PPP1R21: variants seen among roughly 807,000 people sequenced by gnomAD.
PPP1R21 encodes the protein protein phosphatase 1 regulatory subunit 21, also known as KLRAQ motif containing 1.
Under a neutral mutation model 112.8 loss-of-function variants are expected in PPP1R21, and 85 were observed. The ratio of observed to expected loss-of-function variants is 0.75; its 90% confidence interval spans 0.63 to 0.90. The LOEUF (loss-of-function observed/expected upper bound fraction) is 0.90. Among genes scored for constraint, PPP1R21 ranks in the 40% least tolerant of loss-of-function variants. The pLI, the probability that PPP1R21 is intolerant of heterozygous loss-of-function variation, is 0.00. For missense variants in PPP1R21, 1,199 were observed against 901.5 expected, an observed-to-expected ratio of 1.33 and a Z score of -4.23; for synonymous variants, 381 against 322.3, an observed-to-expected ratio of 1.18 and a Z score of -1.95.
chr2:48,468,244 G>A (rs78583799), intron 9 of PPP1R21, among the ~76,000 whole-genome samples: 25 of 152,178 alleles, frequency 1.6e-4, no homozygotes, highest in Non-Finnish European at 2.4e-4. Context: ...TAAAAACAGT[G>A]CGTGGCATGT....
intron 9 of PPP1R21, 97 bp downstream of exon 9, chr2:48,465,739 A>G (rs566436876): frequency 5.0e-5 from 53 of 1,062,032 alleles, no homozygotes; most frequent in Non-Finnish European, 6.5e-5. Context: ...AAGTACTGCA[A>G]AGGACATGGA....
chr2:48,447,640 G>A (rs1343359146), intron 1 of PPP1R21, among the ~76,000 whole-genome samples: 1 of 152,130 alleles, frequency 6.6e-6, no homozygotes, highest in Non-Finnish European at 1.5e-5. Flanking sequence ...CTGGTGCAGA[G>A]AAAGATAGAT....
intron 15 of PPP1R21, among the ~76,000 whole-genome samples, chr2:48,494,488 G>A (rs575465184): frequency 7.9e-5 from 12 of 151,396 alleles, no homozygotes; most frequent in Non-Finnish European, 1.2e-4. Context: ...GTGCAATGGC[G>A]CGATCTCGGC....
intron 1 of PPP1R21, among the ~76,000 whole-genome samples, chr2:48,444,225 A>G (rs532671190): frequency 3.3e-5 from 5 of 152,346 alleles, no homozygotes; most frequent in Admixed American, 2.6e-4. Flanking sequence ...GGTTTGGGCA[A>G]TTAGAGGGTC....
At chr2:48,484,775 C>CA in intron 13 of PPP1R21, among the ~76,000 whole-genome samples, 1 of 152,292 alleles carries the variant, frequency 6.6e-6, no homozygotes, top group East Asian at 1.9e-4. Flanking sequence ...GTCGGTCTCC[C>CA]AAAGTGCTAG....
At chr2:48,506,628 G>A (rs763104248) in intron 18 of PPP1R21, among the ~76,000 whole-genome samples, 7 of 152,098 alleles carry the variant, frequency 4.6e-5, no homozygotes, top group Non-Finnish European at 8.8e-5. Flanking sequence ...GCCACAAACT[G>A]TTCAATATAG....
At position 48,465,631 on chromosome 2, in the gene PPP1R21, T is replaced by TTGAATCAGAAGG; in HGVS notation, c.888_897+2dup. On this transcript the variant is annotated inframe_insertion, in exon 9 of 22. Transcript: ENST00000294952. ...TTCTGCCATTGACACTATATCTCCA[T>TTGAATCAGAAGG]TGAATCAGAAGGTAAATTTAATTCA... The TTGAATCAGAAGG allele has an allele frequency of 6.2e-6, 10 of 1,610,788 alleles. No homozygotes were observed. The highest frequency in any genetic ancestry group is 8.5e-6 in the Non-Finnish European group (10 of 1,179,126).
Position 48,473,169 on chromosome 2 carries a change from C to A in PPP1R21, c.1089-1514C>A, listed in dbSNP as rs1221967437. On this transcript the variant is annotated intron_variant, in intron 11 of 21. Coordinates refer to ENST00000294952, the MANE Select transcript of PPP1R21 (RefSeq NM_001135629.3). ...CTATCCTTACAAGATATTTCAGTAA[C>A]AAAATTCTGTGATTTGTGCATATGA... Among the ~76,000 whole-genome samples the A allele has an allele frequency of 4.0e-5, 6 of 151,768 alleles. No homozygotes were observed. In the East Asian group the frequency reaches 1.2e-3, roughly 29 times the overall value.
chr2:48,463,132 C>G (rs1668048458), intron 7 of PPP1R21, among the ~76,000 whole-genome samples: 1 of 152,194 alleles, frequency 6.6e-6, no homozygotes. Context: ...AAAGACTAGA[C>G]TTTGGCAGAG....
chr2:48,511,502 A>G (rs760333315), intron 21 of PPP1R21, 34 bp downstream of exon 21: 3 of 1,600,154 alleles, frequency 1.9e-6, no homozygotes, highest in Admixed American at 1.8e-5. Flanking sequence ...TCTCTCTGCA[A>G]TATAATATTT....
At chr2:48,454,253 T>C (rs1439807390) in intron 2 of PPP1R21, among the ~76,000 whole-genome samples, 1 of 148,820 alleles carries the variant, frequency 6.7e-6, no homozygotes, top group African/African-American at 2.4e-5. Flanking sequence ...AGAGCGAGAC[T>C]CTGTCTCAAA....
intron 1 of PPP1R21, among the ~76,000 whole-genome samples, chr2:48,444,861 C>CT (rs397944972): frequency 0.011 from 1,557 of 137,188 alleles, 12 homozygotes; most frequent in African/African-American, 0.021. Flanking sequence ...TTTTAAAGTT[C>CT]TTTTTTTTTT....
At chr2:48,505,461 C>T (rs538935660) in intron 17 of PPP1R21, 103 bp from the exon 18 acceptor site, 1 of 839,558 alleles carries the variant, frequency 1.2e-6, no homozygotes, top group African/African-American at 1.7e-5. Context: ...TCTGTACCCT[C>T]AATGCTCTGT....
chr2:48,499,134 G>T (rs912719493), intron 17 of PPP1R21, among the ~76,000 whole-genome samples: 1 of 148,794 alleles, frequency 6.7e-6, no homozygotes, highest in East Asian at 2.0e-4. Flanking sequence ...ATTGGGGGTG[G>T]GGGGGGACAC....
intron 2 of PPP1R21, among the ~76,000 whole-genome samples, chr2:48,451,765 T>C (rs981353660): frequency 1.3e-5 from 2 of 152,180 alleles, no homozygotes; most frequent in Non-Finnish European, 2.9e-5. Context: ...TCTTTTGCTC[T>C]TTCCCTTTCT....
At chr2:48,474,656 A>T (rs1668670494) in intron 11 of PPP1R21, 27 bp from the exon 12 acceptor site, 1 of 1,592,474 alleles carries the variant, frequency 6.3e-7, no homozygotes, top group South Asian at 1.1e-5. Flanking sequence ...TGGGATGCTC[A>T]CTTCTTAAAA....
At position 48,498,797 on chromosome 2, in the gene PPP1R21, T is replaced by C. The variant is rs983211813; in HGVS notation, c.1935+62T>C. The C allele has an allele frequency of 1.2e-5, 18 of 1,520,708 alleles. No homozygotes were observed. In the South Asian group the frequency reaches 1.3e-4, roughly 11 times the overall value. 94.2% of individuals were successfully genotyped at this position (1,520,708 alleles called of 1,614,324 possible). A position where few individuals can be genotyped will look rare whatever the true frequency, so the allele number is the denominator to read the frequency against. On this transcript the variant is annotated intron_variant, in intron 17 of 21. Coordinates refer to ENST00000294952, the MANE Select transcript of PPP1R21 (RefSeq NM_001135629.3). ...TAAATGCTAATTGGTAAGTATCTAA[T>C]GTTCAACATTAACCATTGTCTTAGT...
intron 15 of PPP1R21, among the ~76,000 whole-genome samples, chr2:48,494,676 A>G (rs945633875): frequency 1.3e-5 from 2 of 151,804 alleles, no homozygotes; most frequent in Admixed American, 6.6e-5. Context: ...TCGGCCTTCC[A>G]AAGTGCTGGG....
At chr2:48,462,379 T>G (rs147268408) in intron 7 of PPP1R21, among the ~76,000 whole-genome samples, 52 of 152,274 alleles carry the variant, frequency 3.4e-4, no homozygotes, top group African/African-American at 1.2e-3. Context: ...TAATATAAAC[T>G]AGACTGTGCC....
Sources: allele counts gnomAD v4.1 joint callset (sites outside exome capture counted in the v4.1 genomes callset), GRCh38; gene constraint gnomAD v4.1.1; transcripts MANE v1.5; gene names NCBI Gene and HGNC (gene_info 2026-07-23, HGNC 2026-07-21).